Variants in AP4E1 observed in about 807,000 individuals in gnomAD.
The protein encoded by AP4E1 is adaptor related protein complex 4 subunit epsilon 1, also known as AP-4 complex subunit epsilon-1.
AP4E1 carries 56 observed loss-of-function variants against 128.2 expected under a neutral mutation model. That is an observed-to-expected ratio of 0.44 (90% CI 0.35 to 0.55). AP4E1 has a LOEUF of 0.55. Among genes scored for constraint, AP4E1 ranks in the 20% least tolerant of loss-of-function variants. The probability of loss-of-function intolerance (pLI) is 0.00; values close to 1 mark genes in which losing one functional copy is unlikely to be tolerated. For synonymous variants in AP4E1, 484 were observed against 473.1 expected (o/e 1.02, Z -0.30); for missense variants, 1,324 against 1,307.7 (o/e 1.01, Z -0.19).
chr15:50,997,017 A>G lies in AP4E1; in HGVS notation c.2347-309A>G, dbSNP rs1341675901. ...TTTCTCACTGCTTTTTAATTTGTTC[A>G]GTTCTATACTCTAGTATTCTGAAAT... is the stretch of plus-strand genomic sequence containing the variant. On this transcript the variant is annotated intron_variant, in intron 17 of 20. Transcript: ENST00000261842. Among the ~76,000 whole-genome samples the G allele has an allele frequency of 2.6e-5, 4 of 152,120 alleles. No individual in the cohort carries two copies. The East Asian group carries it at 7.7e-4, about 29-fold the overall frequency.
At chr15:50,923,879 A>G in intron 3 of AP4E1, 52 bp from the exon 4 acceptor site, 2 of 1,380,858 alleles carry the variant, frequency 1.4e-6, no homozygotes, top group Non-Finnish European at 2.1e-6. Flanking sequence ...ACTTCGTGTG[A>G]AAAGTCTGTT....
At chr15:50,984,390 G>T (rs913094554) in intron 16 of AP4E1, among the ~76,000 whole-genome samples, 2 of 151,858 alleles carry the variant, frequency 1.3e-5, no homozygotes, top group African/African-American at 4.8e-5. Flanking sequence ...TGTGTGCCAT[G>T]TTGGTGTGCT....
In AP4E1 at chr15:50,930,899, A is replaced by G. The variant is rs1297142568; in HGVS notation, c.797A>G (p.His266Arg). The G allele has an allele frequency of 1.2e-6, 2 of 1,614,166 alleles. No individual in the cohort carries two copies. Among genetic ancestry groups the G allele is most frequent in the African/African-American group, 2.7e-5 (2 of 75,046 alleles). The change falls in exon 7 of 21, where the codon CAC becomes CGC. Residue 266 changes from histidine (H) to arginine (R), a missense_variant. Transcript: ENST00000261842. ...AAGCTCCCAGTAGAATTCAATTACC[A>G]CAGTGTGCCAGCACCATGGTTACAA... is the stretch of plus-strand genomic sequence containing the variant. ...GGKLPVEFNY[H>R]SVPAPWLQIQ...
intron 13 of AP4E1, 52 bp downstream of exon 13, chr15:50,950,221 C>A: frequency 8.2e-7 from 1 of 1,219,484 alleles, no homozygotes; most frequent in Non-Finnish European, 1.2e-6. Context: ...TAATACAAAC[C>A]AAATGTTAAC....
intron 20 of AP4E1, among the ~76,000 whole-genome samples, chr15:51,001,802 T>C (rs920656252): frequency 6.6e-6 from 1 of 152,222 alleles, no homozygotes; most frequent in Non-Finnish European, 1.5e-5. Context: ...TACAAATACC[T>C]GTTTGTGTCC....
At chr15:50,949,679 C>T in intron 11 of AP4E1, 147 bp from the exon 12 acceptor site, 1 of 677,588 alleles carries the variant, frequency 1.5e-6, no homozygotes, top group South Asian at 1.6e-5. Context: ...TTACATAAAA[C>T]TGGGGTACAG....
chr15:50,977,382 C>T (rs545483878), intron 15 of AP4E1, among the ~76,000 whole-genome samples: 38 of 152,290 alleles, frequency 2.5e-4, no homozygotes, highest in African/African-American at 8.4e-4. Flanking sequence ...TTATGCAGTC[C>T]TTTGCCAAGT....
intron 6 of AP4E1, 132 bp downstream of exon 6, chr15:50,929,300 A>C: frequency 9.6e-7 from 1 of 1,046,970 alleles, no homozygotes; most frequent in Non-Finnish European, 1.4e-6. Context: ...CCTTTGAATT[A>C]GTAGTTTTGC....
At chr15:50,925,710 A>T (rs1445151555) in intron 5 of AP4E1, among the ~76,000 whole-genome samples, 2 of 149,846 alleles carry the variant, frequency 1.3e-5, no homozygotes, top group Non-Finnish European at 3.0e-5. Context: ...GCTCACTGCA[A>T]CCTCTGCCTC....
chr15:50,958,871 A>G, intron 14 of AP4E1, 77 bp downstream of exon 14: 4 of 1,427,316 alleles, frequency 2.8e-6, no homozygotes, highest in Middle Eastern at 4.1e-4. Flanking sequence ...GTGACATATC[A>G]GGAATATATC....
At chr15:50,938,768 T>C (rs77142919) in intron 8 of AP4E1, among the ~76,000 whole-genome samples, 7,166 of 151,976 alleles carry the variant, frequency 0.047, 170 homozygotes, top group African/African-American at 0.072. Flanking sequence ...GAGGTACCCC[T>C]CTCTCTCCCA....
chr15:50,935,627 T>C (rs1384513000), intron 8 of AP4E1, among the ~76,000 whole-genome samples: 1 of 152,166 alleles, frequency 6.6e-6, no homozygotes, highest in Non-Finnish European at 1.5e-5. Context: ...GTAACTCAAA[T>C]GAGAAGTCAT....
chr15:50,962,679 G>C (rs1194845153), intron 14 of AP4E1, among the ~76,000 whole-genome samples: 1 of 151,784 alleles, frequency 6.6e-6, no homozygotes, highest in Non-Finnish European at 1.5e-5. Context: ...AAATGCTTTA[G>C]GACATTGGTC....
chr15:51,002,003 C>T (rs952732356), intron 20 of AP4E1, among the ~76,000 whole-genome samples: 3 of 152,064 alleles, frequency 2.0e-5, no homozygotes, highest in Admixed American at 6.6e-5. Flanking sequence ...CTCAGCCTCC[C>T]GAGTAGCTAG....
Position 51,004,018 on chromosome 15 carries a change from C to T in AP4E1, c.*1356C>T, listed in dbSNP as rs997539544. The T allele has an allele frequency of 6.6e-6, 1 of 152,176 alleles. No homozygotes were observed. The highest frequency in any genetic ancestry group is 2.4e-5 in the African/African-American group (1 of 41,438). The allele number at this position is 152,176 out of a possible 1,614,324, so 9.4% of individuals were successfully genotyped here. On this transcript the variant is annotated 3_prime_UTR_variant, in exon 21 of 21. Transcript: ENST00000261842. Reference sequence around the variant, plus strand: ...AAAACAAAAGCAGTATTTTCTTTCTCAATTAATTTTTAAGTTATTCATTAA... The same window carrying T: ...AAAACAAAAGCAGTATTTTCTTTCTTAATTAATTTTTAAGTTATTCATTAA...
At chr15:50,922,964 A>C (rs556169122) in intron 3 of AP4E1, among the ~76,000 whole-genome samples, 1 of 152,092 alleles carries the variant, frequency 6.6e-6, no homozygotes, top group Admixed American at 6.5e-5. Context: ...TTTTTAGTAG[A>C]GACGGGGTTT....
chr15:50,989,499 T>C (rs936416803), intron 16 of AP4E1, among the ~76,000 whole-genome samples: 1 of 152,030 alleles, frequency 6.6e-6, no homozygotes, highest in Non-Finnish European at 1.5e-5. Context: ...TTTTTTTTTT[T>C]CCTGCTCTGT....
At chr15:50,923,844 G>A in intron 3 of AP4E1, 87 bp from the exon 4 acceptor site, 2 of 963,524 alleles carry the variant, frequency 2.1e-6, no homozygotes, top group Non-Finnish European at 3.3e-6. Flanking sequence ...TGGTATCTTT[G>A]ATACTTACAG....
upstream of AP4E1, chr15:50,908,554 G>T: frequency 2.1e-6 from 1 of 487,030 alleles, no homozygotes; most frequent in Non-Finnish European, 3.4e-6. Flanking sequence ...CTACTTACGC[G>T]CGCAATCTCG....
Sources: allele counts gnomAD v4.1 joint callset (sites outside exome capture counted in the v4.1 genomes callset), GRCh38; gene constraint gnomAD v4.1.1; transcripts MANE v1.5; gene names NCBI Gene and HGNC (gene_info 2026-07-23, HGNC 2026-07-21).